The following BMX variants were observed in gnomAD, a reference collection of about 807,000 sequenced individuals.
The protein encoded by BMX is BMX non-receptor tyrosine kinase.
BMX carries 31 observed loss-of-function variants against 59.2 expected under a neutral mutation model. That is an observed-to-expected ratio of 0.52 (90% CI 0.39 to 0.71). BMX has a LOEUF of 0.71. Ranked by LOEUF, BMX falls within the 30% of genes least tolerant of loss-of-function variation. BMX has a pLI of 0.00. For missense variants in BMX, 474 were observed against 491.7 expected, an observed-to-expected ratio of 0.96 and a Z score of 0.34; for synonymous variants, 185 against 181.0, an observed-to-expected ratio of 1.02 and a Z score of -0.18.
At position 15,509,556 on chromosome X, in the gene BMX, T is replaced by C. The variant is rs777194326; in HGVS notation, c.243+123T>C. On this transcript the variant is annotated intron_variant, in intron 3 of 18. Coordinates refer to ENST00000348343, the MANE Select transcript of BMX (RefSeq NM_203281.3). ...ATAATCTAAACAAGGCTTGGAATAT[T>C]CCCACATGGGAGTTGGGCATTTTGC... 4 of 503,110 alleles carry C rather than the reference T, an allele frequency of 8.0e-6. No homozygotes were observed. The East Asian group carries it at 1.8e-4, about 23-fold the overall frequency. The allele number at this position is 503,110 out of a possible 1,213,427, so 41.5% of individuals were successfully genotyped here.
rs752945588 is a variant in BMX at position 15,522,512 on chromosome X, C to A, written c.677C>A (p.Ser226Tyr). Residue 226 changes from serine to tyrosine, a missense_variant, in exon 7 of 19, where the codon TCC becomes TAC. Transcript: ENST00000348343. ...YDSNSKKIYG[S>Y]QPNFNMQYIP... ...AGCAACTCAAAGAAAATCTATGGCT[C>A]CCAGCCAAACTTCAACATGCAGTAT... is the stretch of plus-strand genomic sequence containing the variant. 1 of 1,211,976 alleles carries A rather than the reference C, an allele frequency of 8.3e-7. No individual in the cohort carries two copies. The highest frequency in any genetic ancestry group is 1.1e-6 in the Non-Finnish European group (1 of 895,439).
Position 15,522,469 on chromosome X carries a change from A to T in BMX, c.634A>T (p.Ser212Cys). ...CTCCCAGCCACCATCTTCAAGTACC[A>T]GTCTAGCGCAATATGACAGCAACTC... is the stretch of plus-strand genomic sequence containing the variant. ...YGSQPPSSST[S>C]LAQYDSNSKK... Residue 212 changes from serine to cysteine, a missense_variant, in exon 7 of 19, where the codon AGT becomes TGT. By Grantham distance (112) the Ser-to-Cys change is moderately radical. Coordinates refer to ENST00000348343, the MANE Select transcript of BMX (RefSeq NM_203281.3). 5 of 1,212,352 alleles carry T rather than the reference A, an allele frequency of 4.1e-6. No homozygotes were observed. The highest frequency in any genetic ancestry group is 5.6e-6 in the Non-Finnish European group (5 of 895,605).
chrX:15,555,978 A>G, intron 18 of BMX, 95 bp from the exon 19 acceptor site: 1 of 873,896 alleles, frequency 1.1e-6, no homozygotes, highest in African/African-American at 2.0e-5. Flanking sequence ...AAAAGTTGCT[A>G]GCTTTAGGAC....
At chrX:15,536,164 G>T (rs1447324528) in intron 12 of BMX, among the ~76,000 whole-genome samples, 189 bp from the exon 13 acceptor site, 1 of 111,850 alleles carries the variant, frequency 8.9e-6, no homozygotes, top group African/African-American at 3.3e-5. Context: ...TTTAATTTTC[G>T]CTTTGCATTA....
At chrX:15,541,401 A>C (rs1251238356) in intron 14 of BMX, among the ~76,000 whole-genome samples, 1 of 111,312 alleles carries the variant, frequency 9.0e-6, no homozygotes, top group Non-Finnish European at 1.9e-5. Flanking sequence ...TGTCCATGCC[A>C]TCATGACCTA....
chrX:15,510,807 G>T (rs1191241244), intron 3 of BMX, among the ~76,000 whole-genome samples: 1 of 112,299 alleles, frequency 8.9e-6, no homozygotes, highest in East Asian at 2.8e-4. Flanking sequence ...AACAAGAGTT[G>T]AATAAACTAG....
intron 6 of BMX, 21 bp from the exon 7 acceptor site, chrX:15,522,324 TA>T: frequency 1.7e-6 from 2 of 1,208,062 alleles, no homozygotes; most frequent in Non-Finnish European, 2.2e-6. Flanking sequence ...TGTGATGTAT[TA>T]AAATTTCTTC....
intron 4 of BMX, 60 bp downstream of exon 4, chrX:15,511,578 G>GT: frequency 2.1e-6 from 2 of 961,780 alleles, no homozygotes; most frequent in Middle Eastern, 3.1e-4. Context: ...AAAGAGAGTC[G>GT]TTTTTTGAGG....
intron 2 of BMX, among the ~76,000 whole-genome samples, chrX:15,508,762 T>C (rs1232234464): frequency 2.7e-5 from 3 of 111,975 alleles, no homozygotes; most frequent in Non-Finnish European, 1.9e-5. Flanking sequence ...CAGGTGACAT[T>C]GGGAAAAGAC....
At chrX:15,504,595 G>A (rs910928824) in intron 1 of BMX, among the ~76,000 whole-genome samples, 1 of 112,198 alleles carries the variant, frequency 8.9e-6, no homozygotes, top group East Asian at 2.8e-4. Flanking sequence ...TAGAACTGCC[G>A]ACTTGAACTT....
At chrX:15,542,623 C>A (rs1925749735) in intron 15 of BMX, among the ~76,000 whole-genome samples, 1 of 110,891 alleles carries the variant, frequency 9.0e-6, no homozygotes, top group Non-Finnish European at 1.9e-5. Context: ...GTGGGGAATG[C>A]TGTGTTTGGT....
rs757298573 is a variant in BMX, at chrX:15,553,035, G to A, written c.1953+3038G>A. Among the ~76,000 whole-genome samples the A allele has an allele frequency of 7.1e-5, 8 of 112,336 alleles. No homozygotes were observed. The South Asian group carries it at 2.9e-3, about 41-fold the overall frequency. On this transcript the variant is annotated intron_variant, in intron 18 of 18. Coordinates refer to ENST00000348343, the MANE Select transcript of BMX (RefSeq NM_203281.3). ...GAATAGTGGAAAAGGTATCTTAGGT[G>A]CGTTACTCAATCCAAATGTGACTGA... is the stretch of plus-strand genomic sequence containing the variant.
chrX:15,527,444 G>A (rs912340582), intron 9 of BMX, among the ~76,000 whole-genome samples: 1 of 108,901 alleles, frequency 9.2e-6, no homozygotes, highest in Non-Finnish European at 1.9e-5. Context: ...GGCTATTAAG[G>A]TTCTTTCCAA....
chrX:15,521,904 C>A (rs961826346), intron 6 of BMX, among the ~76,000 whole-genome samples: 2 of 111,908 alleles, frequency 1.8e-5, no homozygotes, highest in East Asian at 5.6e-4. Flanking sequence ...CAGCCTTCAA[C>A]AACCACAACA....
At chrX:15,513,566 A>G (rs942565898) in intron 4 of BMX, among the ~76,000 whole-genome samples, 2 of 111,633 alleles carry the variant, frequency 1.8e-5, no homozygotes, top group Non-Finnish European at 3.8e-5. Context: ...TGTGTCTATT[A>G]TTTGGCTCAA....
At chrX:15,548,507 A>G (rs1926050459) in intron 17 of BMX, among the ~76,000 whole-genome samples, 1 of 112,172 alleles carries the variant, frequency 8.9e-6, no homozygotes, top group Admixed American at 9.5e-5. Context: ...AAGTGATAGC[A>G]AAAAATCAAT....
intron 11 of BMX, among the ~76,000 whole-genome samples, chrX:15,532,058 T>C (rs959692409): frequency 8.9e-6 from 1 of 112,280 alleles, no homozygotes; most frequent in Non-Finnish European, 1.9e-5. Flanking sequence ...GGGAACATAA[T>C]GATTGTTACG....
intron 1 of BMX, among the ~76,000 whole-genome samples, chrX:15,506,640 A>G (rs760578573): frequency 6.2e-5 from 7 of 112,010 alleles, no homozygotes; most frequent in Non-Finnish European, 1.1e-4. Flanking sequence ...AAATAAGCTT[A>G]TCTGGGCAGG....
chrX:15,541,194 C>A lies in BMX; in HGVS notation c.1395-788C>A, dbSNP rs1057403556. On this transcript the variant is annotated intron_variant, in intron 14 of 18. Coordinates refer to ENST00000348343, the MANE Select transcript of BMX (RefSeq NM_203281.3). ...TGATATTACTTAAATTAATAAGAAA[C>A]ACTAAAGGACTCTTCAATTCGCAAG... Among the ~76,000 whole-genome samples the A allele has an allele frequency of 4.5e-5, 5 of 111,261 alleles. No individual in the cohort carries two copies. In the East Asian group the frequency reaches 1.4e-3, roughly 31 times the overall value.
Sources: allele counts gnomAD v4.1 joint callset (sites outside exome capture counted in the v4.1 genomes callset), GRCh38; gene constraint gnomAD v4.1.1; transcripts MANE v1.5; gene names NCBI Gene and HGNC (gene_info 2026-07-23, HGNC 2026-07-21).